Variants in SLC35F4 observed in about 807,000 individuals in gnomAD.
SLC35F4 encodes the protein solute carrier family 35 member F4.
A neutral mutation model predicts 44.2 loss-of-function variants in SLC35F4; 24 were observed. That is an observed-to-expected ratio of 0.54 (90% confidence interval 0.39 to 0.76). The LOEUF is 0.76. SLC35F4 is among the 30% of genes least tolerant of loss of function. The pLI, the probability that SLC35F4 is intolerant of heterozygous loss-of-function variation, is 0.00. For missense variants in SLC35F4, 562 were observed against 586.1 expected (o/e 0.96, Z 0.42); for synonymous variants, 238 against 223.6 (o/e 1.06, Z -0.57).
intron 1 of SLC35F4, among the ~76,000 whole-genome samples, chr14:57,628,074 T>C (rs1487423089): frequency 5.3e-5 from 8 of 152,098 alleles, no homozygotes; most frequent in African/African-American, 1.9e-4. Context: ...ATTCTTTCTT[T>C]ATATCATTTC....
At chr14:57,845,544 A>G (rs1595197357) in intron 1 of SLC35F4, among the ~76,000 whole-genome samples, 1 of 152,360 alleles carries the variant, frequency 6.6e-6, no homozygotes, top group South Asian at 2.1e-4. Context: ...TACATTGGTT[A>G]CAATCCCACT....
At chr14:57,654,969 G>A (rs1166613231) in intron 1 of SLC35F4, among the ~76,000 whole-genome samples, 1 of 152,136 alleles carries the variant, frequency 6.6e-6, no homozygotes, top group African/African-American at 2.4e-5. Flanking sequence ...GATATTTTAA[G>A]GTGTGTCATA....
intron 1 of SLC35F4, among the ~76,000 whole-genome samples, chr14:57,683,532 G>A (rs1219391944): frequency 6.6e-6 from 1 of 152,014 alleles, no homozygotes; most frequent in Non-Finnish European, 1.5e-5. Flanking sequence ...CTTGTCTAAG[G>A]GCTGGGTATA....
chr14:57,808,933 T>G (rs1371865524), intron 1 of SLC35F4, among the ~76,000 whole-genome samples: 1 of 152,182 alleles, frequency 6.6e-6, no homozygotes, highest in African/African-American at 2.4e-5. Context: ...CCATTGTTCT[T>G]CTTTTTTTCT....
intron 1 of SLC35F4, among the ~76,000 whole-genome samples, chr14:57,830,804 A>T (rs866388114): frequency 1.4e-4 from 22 of 152,274 alleles, no homozygotes; most frequent in Admixed American, 7.2e-4. Context: ...AAAGAATCAC[A>T]CACTCTTTTT....
At chr14:57,907,839 C>T (rs181400260) in intron 1 of SLC35F4, among the ~76,000 whole-genome samples, 201 of 151,886 alleles carry the variant, frequency 1.3e-3, no homozygotes, top group African/African-American at 4.6e-3. Context: ...TTTTATTTTA[C>T]GTTCTGGGAT....
intron 1 of SLC35F4, chr14:57,630,339 A>G (rs1044777564): frequency 8.3e-5 from 49 of 593,074 alleles, no homozygotes; most frequent in Non-Finnish European, 1.4e-4. Flanking sequence ...TCCTAGAAAC[A>G]GTAGACCGAC....
chr14:57,673,257 C>T (rs181652418), intron 1 of SLC35F4, among the ~76,000 whole-genome samples: 54 of 152,146 alleles, frequency 3.5e-4, no homozygotes, highest in African/African-American at 1.2e-3. Context: ...TCCATAGTGA[C>T]GGTACTGATG....
At chr14:57,931,474 T>C (rs974340541) in intron 1 of SLC35F4, among the ~76,000 whole-genome samples, 16 of 152,224 alleles carry the variant, frequency 1.1e-4, no homozygotes, top group African/African-American at 3.4e-4. Context: ...CTAAAATGCA[T>C]GTGCAGATGT....
chr14:57,683,039 T>C (rs2074956765), intron 1 of SLC35F4, among the ~76,000 whole-genome samples: 1 of 151,568 alleles, frequency 6.6e-6, no homozygotes, highest in Non-Finnish European at 1.5e-5. Context: ...GGAGGGACTC[T>C]GTTCTACGGA....
chr14:57,962,751 G>C (rs1411897591), intron 1 of SLC35F4, among the ~76,000 whole-genome samples: 1 of 152,184 alleles, frequency 6.6e-6, no homozygotes, highest in East Asian at 1.9e-4. Flanking sequence ...ATTTTGTAAA[G>C]GAGAATTTTG....
chr14:57,945,916 AT>A (rs1890017810), intron 1 of SLC35F4, among the ~76,000 whole-genome samples: 1 of 151,740 alleles, frequency 6.6e-6, no homozygotes, highest in Admixed American at 6.6e-5. Flanking sequence ...CCATTTGTAT[AT>A]TTTCTCTTGA....
At chr14:57,958,140 C>T (rs1243670149) in intron 1 of SLC35F4, among the ~76,000 whole-genome samples, 2 of 152,016 alleles carry the variant, frequency 1.3e-5, no homozygotes, top group Non-Finnish European at 2.9e-5. Flanking sequence ...TCACCGCAAG[C>T]TCTGCCTCCC....
chr14:57,905,485 G>A (rs958896811), intron 1 of SLC35F4, among the ~76,000 whole-genome samples: 8 of 152,222 alleles, frequency 5.3e-5, no homozygotes, highest in African/African-American at 1.7e-4. Context: ...CTTGGAGGCT[G>A]GTTACCTCAA....
chr14:57,797,876 G>T (rs1209745667), intron 1 of SLC35F4, among the ~76,000 whole-genome samples: 1 of 152,002 alleles, frequency 6.6e-6, no homozygotes, highest in Non-Finnish European at 1.5e-5. Flanking sequence ...ACTTGGCCAC[G>T]TGACTCACTA....
chr14:57,982,516 C>T (rs534287530), upstream of SLC35F4, among the ~76,000 whole-genome samples: 6 of 151,906 alleles, frequency 3.9e-5, no homozygotes, highest in African/African-American at 1.4e-4. Context: ...GAAAAGCCAA[C>T]GAGAGCCAAG....
At chr14:57,947,555 AGTAC>A (rs1890059251) in intron 1 of SLC35F4, among the ~76,000 whole-genome samples, 1 of 152,020 alleles carries the variant, frequency 6.6e-6, no homozygotes, top group South Asian at 2.1e-4. Context: ...TAGGACTTCT[AGTAC>A]TATGTTACAC....
At chr14:57,947,461 C>A (rs1890057339) in intron 1 of SLC35F4, among the ~76,000 whole-genome samples, 1 of 152,040 alleles carries the variant, frequency 6.6e-6, no homozygotes, top group African/African-American at 2.4e-5. Flanking sequence ...AGGTAAACAA[C>A]CATATCATCA....
intron 1 of SLC35F4, among the ~76,000 whole-genome samples, chr14:57,705,018 A>G (rs2075634494): frequency 1.3e-5 from 2 of 152,202 alleles, no homozygotes; most frequent in Non-Finnish European, 1.5e-5. Context: ...CAGTGCACAA[A>G]AAGAATTAGG....
Sources: gnomAD v4.1 joint callset for allele counts (sites outside exome capture counted in the v4.1 genomes callset) on GRCh38, gnomAD v4.1.1 for gene constraint, MANE v1.5 for transcripts, NCBI Gene and HGNC (gene_info 2026-07-23, HGNC 2026-07-21) for gene names.